The following FBXW8 variants were observed in gnomAD, a reference collection of about 807,000 sequenced individuals.
FBXW8 encodes the protein F-box and WD repeat domain containing 8.
FBXW8 carries 57 observed loss-of-function variants against 65.3 expected under a neutral mutation model. That is an observed-to-expected ratio of 0.87 (90% CI 0.71 to 1.09). The LOEUF (loss-of-function observed/expected upper bound fraction) is 1.09, where lower values mean the gene tolerates loss of function less well. Ranked by LOEUF, FBXW8 falls within the 50% of genes least tolerant of loss-of-function variation. The pLI, the probability that FBXW8 is intolerant of heterozygous loss-of-function variation, is 0.00. For missense variants in FBXW8, 777 were observed against 814.8 expected (o/e 0.95, Z 0.57); for synonymous variants, 308 against 330.2 (o/e 0.93, Z 0.73).
chr12:116,985,094 A>T, intron 5 of FBXW8, 112 bp from the exon 6 acceptor site: 2 of 886,714 alleles, frequency 2.3e-6, no homozygotes. Flanking sequence ...CTTGGGTCTC[A>T]TTTCCAAGGT....
At chr12:116,956,860 C>T (rs887944957) in intron 4 of FBXW8, among the ~76,000 whole-genome samples, 11 of 151,850 alleles carry the variant, frequency 7.2e-5, no homozygotes, top group East Asian at 5.8e-4. Context: ...CCCAACTACT[C>T]GGGAGGCTGA....
At chr12:116,918,781 C>T (rs894466454) in intron 1 of FBXW8, among the ~76,000 whole-genome samples, 1 of 152,008 alleles carries the variant, frequency 6.6e-6, no homozygotes, top group Non-Finnish European at 1.5e-5. Flanking sequence ...GGGATGGTTT[C>T]CTAAATAGAG....
intron 3 of FBXW8, among the ~76,000 whole-genome samples, chr12:116,946,508 G>A (rs148446419): frequency 1.3e-3 from 193 of 152,216 alleles, no homozygotes; most frequent in Middle Eastern, 6.8e-3. Flanking sequence ...CTCCCCATTA[G>A]ACGCCAGTAG....
intron 4 of FBXW8, chr12:116,950,842 G>A (rs1425177646): frequency 6.6e-6 from 1 of 152,148 alleles, no homozygotes; most frequent in African/African-American, 2.4e-5. Context: ...CAACTGATAT[G>A]CAGCTCCTTT....
chr12:116,990,579 A>T (rs1293853222), intron 7 of FBXW8, among the ~76,000 whole-genome samples: 1 of 152,106 alleles, frequency 6.6e-6, no homozygotes, highest in Admixed American at 6.5e-5. Context: ...GGTGATAGTT[A>T]TATTCAGTAC....
At chr12:117,010,879 G>A (rs1005215649) in intron 8 of FBXW8, among the ~76,000 whole-genome samples, 18 of 152,208 alleles carry the variant, frequency 1.2e-4, no homozygotes, top group African/African-American at 3.6e-4. Flanking sequence ...GAACACGGTG[G>A]TGTCCCTCTG....
At chr12:117,019,668 C>T (rs1027262847) in intron 8 of FBXW8, among the ~76,000 whole-genome samples, 9 of 152,130 alleles carry the variant, frequency 5.9e-5, no homozygotes, top group African/African-American at 2.2e-4. Flanking sequence ...ATAAGGTGCG[C>T]ATACAGTTTC....
intron 6 of FBXW8, chr12:116,985,645 G>A (rs770104388): frequency 5.8e-5 from 25 of 432,954 alleles, no homozygotes; most frequent in Non-Finnish European, 9.0e-5. Context: ...AAGAAGTTAC[G>A]ATTCAAACCT....
chr12:116,956,150 G>GT (rs1470080335), intron 4 of FBXW8, among the ~76,000 whole-genome samples: 1 of 151,914 alleles, frequency 6.6e-6, no homozygotes, highest in Non-Finnish European at 1.5e-5. Context: ...TTGTGTTGAG[G>GT]TTTTTTTCAT....
At chr12:116,962,160 G>C (rs536952751) in intron 4 of FBXW8, among the ~76,000 whole-genome samples, 1 of 152,170 alleles carries the variant, frequency 6.6e-6, no homozygotes, top group Non-Finnish European at 1.5e-5. Context: ...GATTTTAGAC[G>C]TGTGGAGTCA....
intron 4 of FBXW8, among the ~76,000 whole-genome samples, chr12:116,953,233 C>G (rs1391857922): frequency 6.6e-6 from 1 of 152,160 alleles, no homozygotes; most frequent in African/African-American, 2.4e-5. Context: ...TAGAATCATA[C>G]ATTTTTAAAC....
At chr12:116,953,427 CT>C (rs1883411122) in intron 4 of FBXW8, among the ~76,000 whole-genome samples, 1 of 152,172 alleles carries the variant, frequency 6.6e-6, no homozygotes, top group Admixed American at 6.5e-5. Context: ...GAAGCTTTGG[CT>C]ATTATAGCAT....
In FBXW8 at chr12:116,959,596, T is replaced by C. The variant is rs148640923; in HGVS notation, c.678-5101T>C. Among the ~76,000 whole-genome samples, 61 of 152,388 alleles carry C rather than the reference T, an allele frequency of 4.0e-4. 1 individual carries two copies. In the East Asian group the frequency reaches 9.8e-3, roughly 25 times the overall value. On this transcript the variant is annotated intron_variant, in intron 4 of 10. Transcript: ENST00000652555. ...AAATGGAAACGCTGCTGGATACTTA[T>C]GAAGAAGAAAGGTTGTTTTTAGCTG...
In FBXW8 at chr12:117,024,171, T is replaced by C. The variant is rs1954167476; in HGVS notation, c.1392T>C (p.Ser464=). The C allele has an allele frequency of 6.2e-7, 1 of 1,614,026 alleles. No individual in the cohort carries two copies. The highest frequency in any genetic ancestry group is 2.2e-5 in the East Asian group (1 of 44,878). The change falls in exon 9 of 11, where the codon AGT becomes AGC. Residue 464 remains serine (S), a synonymous_variant. Transcript: ENST00000652555. ...GGGTGAGGATCCACGACCTCCGCAG[T>C]GGTAACATCGCCCTGTCGCTCTCCG... is the stretch of plus-strand genomic sequence containing the variant. The part of the protein sequence containing the change: ...DGRVRIHDLR[S]GNIALSLSAH...
chr12:116,945,403 C>T lies in FBXW8; in HGVS notation c.463C>T (p.Leu155=). ...TWKVIAEDEV[L]WYRLCQQEGH... is the part of the protein sequence containing the mutation. The stretch of plus-strand genomic sequence containing the variant: ...GAAGGTGATTGCAGAGGATGAGGTG[C>T]TGTGGTACAGGCTGTGCCAGCAGGA... The change falls in exon 3 of 11, where the codon CTG becomes TTG. Residue 155 remains leucine, a synonymous_variant. Transcript: ENST00000652555. The T allele has an allele frequency of 6.2e-7, 1 of 1,613,950 alleles. No individual in the cohort carries two copies.
At position 116,982,100 on chromosome 12, in the gene FBXW8, A is replaced by C. The variant is rs536004600; in HGVS notation, c.836-3106A>C. Among the ~76,000 whole-genome samples the C allele has an allele frequency of 5.2e-5, 8 of 152,382 alleles. 1 individual carries two copies. In the South Asian group the frequency reaches 1.4e-3, roughly 28 times the overall value. ...AAATACTCAATCCAAAAAATAAAAAAGGCAACAAAAGAGGAGAAAAGGGAG... is the reference window on the plus strand; with the variant it reads ...AAATACTCAATCCAAAAAATAAAAACGGCAACAAAAGAGGAGAAAAGGGAG... On this transcript the variant is annotated intron_variant, in intron 5 of 10. Transcript: ENST00000652555.
intron 4 of FBXW8, among the ~76,000 whole-genome samples, chr12:116,960,405 G>A (rs1305590513): frequency 1.3e-5 from 2 of 152,184 alleles, no homozygotes; most frequent in African/African-American, 2.4e-5. Flanking sequence ...TACAGGAGAC[G>A]TAGAGGCTTT....
chr12:116,960,247 G>T (rs1459435719), intron 4 of FBXW8, among the ~76,000 whole-genome samples: 1 of 152,170 alleles, frequency 6.6e-6, no homozygotes, highest in South Asian at 2.1e-4. Context: ...CCCTACCAAA[G>T]ATGTCTGTTT....
At chr12:116,965,716 C>T (rs916381744) in intron 5 of FBXW8, among the ~76,000 whole-genome samples, 1 of 152,130 alleles carries the variant, frequency 6.6e-6, no homozygotes, top group Non-Finnish European at 1.5e-5. Flanking sequence ...ATTTTATACC[C>T]ATGTGCTGTT....
Sources: allele counts gnomAD v4.1 joint callset (sites outside exome capture counted in the v4.1 genomes callset), GRCh38; gene constraint gnomAD v4.1.1; transcripts MANE v1.5; gene names NCBI Gene and HGNC (gene_info 2026-07-23, HGNC 2026-07-21).